The following ANK3 variants were observed in gnomAD, a reference collection of about 807,000 sequenced individuals.
ANK3 encodes the protein ankyrin-3.
ANK3 carries 57 observed loss-of-function variants against 370.9 expected under a neutral mutation model. The ratio of observed to expected loss-of-function variants is 0.15; its 90% CI spans 0.12 to 0.19. ANK3 has a LOEUF of 0.19. ANK3 is among the 10% of genes least tolerant of loss of function. The pLI is 1.00. For missense variants in ANK3, 4,439 were observed against 5,302.1 expected, an observed-to-expected ratio of 0.84 and a Z score of 5.06; for synonymous variants, 1,929 against 1,946.3, an observed-to-expected ratio of 0.99 and a Z score of 0.23.
In ANK3 at chr10:60,661,184, A is replaced by G. The variant is rs149865381; in HGVS notation, c.58-45960T>C. On this transcript the variant is annotated intron_variant, in intron 1 of 43. Coordinates refer to the ANK3 transcript ENST00000373827. ...TTTTTTTTTTTTTCAAACACTGTCA[A>G]TGACGGAACCATAACCAGTATCTAG... is the stretch of plus-strand genomic sequence containing the variant. Among the ~76,000 whole-genome samples the G allele has an allele frequency of 2.7e-3, 406 of 151,856 alleles. 1 individual carries two copies. Among genetic ancestry groups the G allele is most frequent in the Non-Finnish European group, 5.0e-3 (337 of 67,896 alleles).
At chr10:60,573,839 G>A (rs2077648222) in intron 2 of ANK3, among the ~76,000 whole-genome samples, 2 of 152,188 alleles carry the variant, frequency 1.3e-5, no homozygotes, top group South Asian at 4.1e-4. Flanking sequence ...GGGAAAGGGA[G>A]AAAGAAGGGG....
chr10:60,679,865 G>A (rs901707426), intron 1 of ANK3, among the ~76,000 whole-genome samples: 2 of 152,066 alleles, frequency 1.3e-5, no homozygotes, highest in African/African-American at 4.8e-5. Context: ...GCCCAGCGTG[G>A]TGGCTCATGC....
At chr10:60,233,328 A>G (rs180925127) in intron 8 of ANK3, among the ~76,000 whole-genome samples, 6 of 152,332 alleles carry the variant, frequency 3.9e-5, no homozygotes, top group Admixed American at 3.9e-4. Context: ...ATTCAAATCA[A>G]ATTCTAAGTC....
intron 2 of ANK3, among the ~76,000 whole-genome samples, chr10:60,528,661 C>G (rs1028979767): frequency 1.3e-5 from 2 of 152,052 alleles, no homozygotes. Context: ...ACATTTTAGG[C>G]TAGATCATTC....
intron 2 of ANK3, among the ~76,000 whole-genome samples, chr10:60,435,775 T>A (rs1434948591): frequency 1.3e-5 from 2 of 152,240 alleles, no homozygotes; most frequent in Non-Finnish European, 2.9e-5. Flanking sequence ...TTTGTCCTTT[T>A]GTGTCTGGAT....
chr10:60,358,427 A>G (rs1460453374), intron 1 of ANK3, among the ~76,000 whole-genome samples: 5 of 152,116 alleles, frequency 3.3e-5, no homozygotes, highest in African/African-American at 1.2e-4. Context: ...ATGCAGGCTT[A>G]CCTGGTCTTT....
At chr10:60,084,888 A>G in intron 31 of ANK3, 58 bp from the exon 32 acceptor site, 1 of 1,275,658 alleles carries the variant, frequency 7.8e-7, no homozygotes, top group Non-Finnish European at 1.1e-6. Flanking sequence ...CCAAATCTTA[A>G]AAAGACTCAC....
intron 1 of ANK3, among the ~76,000 whole-genome samples, chr10:60,382,057 A>C (rs2061620825): frequency 6.6e-6 from 1 of 152,160 alleles, no homozygotes; most frequent in Non-Finnish European, 1.5e-5. Context: ...ATTGTACTTT[A>C]TTAGGGTAAA....
At chr10:60,207,782 T>C (rs1473881032) in intron 10 of ANK3, among the ~76,000 whole-genome samples, 1 of 152,216 alleles carries the variant, frequency 6.6e-6, no homozygotes, top group Non-Finnish European at 1.5e-5. Context: ...TTTATAATTG[T>C]ATAGTCTTTG....
Position 60,386,904 on chromosome 10 carries a change from A to C in ANK3, c.114+2521T>G, listed in dbSNP as rs541374906. ...GCCCGGTGTGGTGGCTCACGCCTGT[A>C]ATCCTAGCACTTTGGGAGGCCTAGG... On this transcript the variant is annotated intron_variant, in intron 1 of 43. Transcript: ENST00000280772. Among the ~76,000 whole-genome samples, 51 of 152,332 alleles carry C rather than the reference A, an allele frequency of 3.3e-4. No individual in the cohort carries two copies. In the South Asian group the frequency reaches 7.3e-3, roughly 22 times the overall value.
At chr10:60,396,437 C>T (rs1201931146) in intron 2 of ANK3, among the ~76,000 whole-genome samples, 6 of 152,234 alleles carry the variant, frequency 3.9e-5, no homozygotes, top group African/African-American at 1.4e-4. Context: ...GTAATGTGTT[C>T]AATTCAAATA....
intron 28 of ANK3, among the ~76,000 whole-genome samples, chr10:60,096,326 G>A (rs1162605145): frequency 1.3e-5 from 2 of 152,050 alleles, no homozygotes; most frequent in East Asian, 3.8e-4. Flanking sequence ...TTTTAAAAAC[G>A]GTCCTTACTA....
chr10:60,404,715 A>C (rs988897251), intron 2 of ANK3, among the ~76,000 whole-genome samples: 1 of 152,188 alleles, frequency 6.6e-6, no homozygotes, highest in Non-Finnish European at 1.5e-5. Flanking sequence ...AATTTAAAAA[A>C]AAGTTAGACT....
chr10:60,325,190 T>C (rs1240958488), intron 1 of ANK3, among the ~76,000 whole-genome samples: 1 of 152,212 alleles, frequency 6.6e-6, no homozygotes, highest in Non-Finnish European at 1.5e-5. Flanking sequence ...GACAAGACCA[T>C]CTGAGATAAG....
intron 2 of ANK3, among the ~76,000 whole-genome samples, chr10:60,431,766 C>T (rs2064030846): frequency 6.6e-6 from 1 of 152,122 alleles, no homozygotes; most frequent in Non-Finnish European, 1.5e-5. Flanking sequence ...CCTGCTTGTT[C>T]TGCACATGTA....
At chr10:60,721,248 A>C (rs1589076470) in intron 1 of ANK3, among the ~76,000 whole-genome samples, 1 of 152,206 alleles carries the variant, frequency 6.6e-6, no homozygotes, top group Non-Finnish European at 1.5e-5. Flanking sequence ...CCAGAAGAGG[A>C]GTACTTGAGC....
intron 1 of ANK3, among the ~76,000 whole-genome samples, chr10:60,702,978 C>A (rs999647656): frequency 6.6e-6 from 1 of 152,082 alleles, no homozygotes; most frequent in African/African-American, 2.4e-5. Context: ...TTCAATGATA[C>A]CACAGGGATG....
chr10:60,572,747 C>T, intron 2 of ANK3: 1 of 1,351,004 alleles, frequency 7.4e-7, no homozygotes, highest in Non-Finnish European at 9.5e-7. Context: ...ACTGGGTGTT[C>T]TCTATATCAA....
At chr10:60,606,553 C>T (rs2078131256) in intron 2 of ANK3, among the ~76,000 whole-genome samples, 1 of 152,068 alleles carries the variant, frequency 6.6e-6, no homozygotes, top group African/African-American at 2.4e-5. Flanking sequence ...TGTCTAAGAG[C>T]TGATTAAGGT....
Sources: gnomAD v4.1 joint callset for allele counts (sites outside exome capture counted in the v4.1 genomes callset) on GRCh38, gnomAD v4.1.1 for gene constraint, MANE v1.5 for transcripts, NCBI Gene and HGNC (gene_info 2026-07-23, HGNC 2026-07-21) for gene names.